The following EVL variants were observed in gnomAD, a reference collection of about 807,000 sequenced individuals.
The protein encoded by EVL is ena/VASP-like protein.
EVL carries 21 observed loss-of-function variants against 59.6 expected under a neutral mutation model. That is an observed-to-expected ratio of 0.35 (90% CI 0.25 to 0.51). The LOEUF is 0.51. Among genes scored for constraint, EVL ranks in the 20% least tolerant of loss-of-function variants. The pLI, the probability that EVL is intolerant of heterozygous loss-of-function variation, is 0.97. For synonymous variants in EVL, 198 were observed against 203.5 expected (o/e 0.97, Z 0.23); for missense variants, 462 against 546.6 (o/e 0.85, Z 1.54).
intron 1 of EVL, among the ~76,000 whole-genome samples, chr14:100,071,585 A>G (rs1302110650): frequency 6.6e-6 from 1 of 152,250 alleles, no homozygotes; most frequent in African/African-American, 2.4e-5. Flanking sequence ...CTTAACCTAC[A>G]TAAAACAGAA....
chr14:100,125,520 G>A (rs1314626512), intron 4 of EVL, among the ~76,000 whole-genome samples: 1 of 151,886 alleles, frequency 6.6e-6, no homozygotes, highest in Non-Finnish European at 1.5e-5. Flanking sequence ...GCTGCTGGGA[G>A]CTTTTCAGAC....
At chr14:100,057,876 C>T (rs2061758448) in intron 1 of EVL, among the ~76,000 whole-genome samples, 1 of 152,216 alleles carries the variant, frequency 6.6e-6, no homozygotes, top group Non-Finnish European at 1.5e-5. Flanking sequence ...GTGTTAGAGA[C>T]TGTAACTAAT....
At chr14:99,999,434 A>G (rs994958897) in intron 1 of EVL, among the ~76,000 whole-genome samples, 19 of 152,182 alleles carry the variant, frequency 1.2e-4, no homozygotes, top group Admixed American at 3.9e-4. Flanking sequence ...TTCCCTCAGG[A>G]TTAAATCCGC....
chr14:100,064,269 CTTCTT>C (rs1218189666), upstream of EVL, among the ~76,000 whole-genome samples: 1 of 152,196 alleles, frequency 6.6e-6, no homozygotes, highest in Admixed American at 6.5e-5. Context: ...TTATCAACCT[CTTCTT>C]TTCTAAACCA....
intron 4 of EVL, among the ~76,000 whole-genome samples, chr14:100,126,351 C>T (rs905028716): frequency 2.6e-5 from 4 of 152,220 alleles, no homozygotes; most frequent in Non-Finnish European, 4.4e-5. Context: ...TAAGAACAGG[C>T]GTTCCTGAGG....
intron 1 of EVL, among the ~76,000 whole-genome samples, chr14:99,979,726 G>A (rs1437752661): frequency 6.6e-6 from 1 of 152,082 alleles, no homozygotes; most frequent in Non-Finnish European, 1.5e-5. Context: ...AAAATTAGCC[G>A]GGCGTGGTGG....
At chr14:100,010,243 A>C (rs945531593) in intron 1 of EVL, among the ~76,000 whole-genome samples, 1 of 152,224 alleles carries the variant, frequency 6.6e-6, no homozygotes, top group African/African-American at 2.4e-5. Context: ...AGAGTCACTC[A>C]GATTGGAAAG....
chr14:100,071,181 G>C (rs2062041595), intron 1 of EVL, among the ~76,000 whole-genome samples: 1 of 152,204 alleles, frequency 6.6e-6, no homozygotes, highest in Non-Finnish European at 1.5e-5. Flanking sequence ...AAAAGAAGGT[G>C]TCAGGGTTTA....
chr14:100,135,076 G>A (rs1888687590), intron 8 of EVL: 1 of 152,234 alleles, frequency 6.6e-6, no homozygotes, highest in Admixed American at 6.5e-5. Context: ...GACATAATCT[G>A]TTATTCAGCT....
At chr14:100,096,701 T>C (rs1885838160) in intron 2 of EVL, among the ~76,000 whole-genome samples, 1 of 152,196 alleles carries the variant, frequency 6.6e-6, no homozygotes, top group Admixed American at 6.5e-5. Flanking sequence ...TTTGAAATAA[T>C]CTTCTTTTAA....
At chr14:100,088,854 A>G (rs907550168) in intron 2 of EVL, among the ~76,000 whole-genome samples, 1 of 152,230 alleles carries the variant, frequency 6.6e-6, no homozygotes, top group East Asian at 1.9e-4. Flanking sequence ...AAGTGTCCAG[A>G]TCAGTCCTGC....
At position 99,973,252 on chromosome 14, in the gene EVL, T is replaced by C. The variant is rs566004373; in HGVS notation, c.5+1195T>C. Among the ~76,000 whole-genome samples the C allele has an allele frequency of 4.6e-5, 7 of 152,308 alleles. No homozygotes were observed. In the East Asian group the frequency reaches 9.6e-4, roughly 21 times the overall value. On this transcript the variant is annotated intron_variant, in intron 1 of 13. Coordinates refer to the EVL transcript ENST00000402714. ...ACGAGCTGACATTCTTACCAAAAAATGTGTGAGAGTTCTTGTTGCTTCACC... is the reference window on the plus strand; with the variant it reads ...ACGAGCTGACATTCTTACCAAAAAACGTGTGAGAGTTCTTGTTGCTTCACC...
At chr14:100,017,540 C>T (rs2061060607) in intron 1 of EVL, among the ~76,000 whole-genome samples, 1 of 152,150 alleles carries the variant, frequency 6.6e-6, no homozygotes, top group Non-Finnish European at 1.5e-5. Flanking sequence ...TACAACACTC[C>T]TATGAGAGAG....
At chr14:99,996,581 T>A (rs538707012) in intron 1 of EVL, among the ~76,000 whole-genome samples, 2 of 152,352 alleles carry the variant, frequency 1.3e-5, no homozygotes, top group East Asian at 3.9e-4. Context: ...TCTAACCAGT[T>A]AACATACATT....
intron 1 of EVL, chr14:100,074,960 G>A (rs747177817): frequency 1.3e-5 from 2 of 152,278 alleles, no homozygotes; most frequent in Non-Finnish European, 2.9e-5. Context: ...AGAGTTCTCC[G>A]AGAGCTGGAA....
intron 3 of EVL, among the ~76,000 whole-genome samples, chr14:100,112,415 C>T (rs1427175277): frequency 6.6e-6 from 1 of 152,234 alleles, no homozygotes; most frequent in African/African-American, 2.4e-5. Context: ...CATTTCACCT[C>T]TCAGTCAGGT....
chr14:100,142,113 G>A (rs982287774), intron 13 of EVL: 5 of 225,386 alleles, frequency 2.2e-5, no homozygotes, highest in Non-Finnish European at 3.6e-5. Context: ...GCCAGGTCTG[G>A]AGGAGCCACC....
intron 1 of EVL, among the ~76,000 whole-genome samples, chr14:99,983,338 A>G (rs2060820260): frequency 6.6e-6 from 1 of 152,228 alleles, no homozygotes; most frequent in Non-Finnish European, 1.5e-5. Flanking sequence ...AGAAAGAGTT[A>G]CTTCAGTCGA....
intron 1 of EVL, among the ~76,000 whole-genome samples, chr14:100,045,910 G>A (rs752712274): frequency 4.6e-5 from 7 of 152,144 alleles, no homozygotes; most frequent in Non-Finnish European, 5.9e-5. Flanking sequence ...TCCTCCAGCC[G>A]TGTCCTGCAT....
Sources: gnomAD v4.1 joint callset for allele counts (sites outside exome capture counted in the v4.1 genomes callset) on GRCh38, gnomAD v4.1.1 for gene constraint, MANE v1.5 for transcripts, NCBI Gene and HGNC (gene_info 2026-07-23, HGNC 2026-07-21) for gene names.